Variants in CAST observed in about 807,000 individuals in gnomAD.
The protein encoded by CAST is MIR583 host.
Under a neutral mutation model 119.6 loss-of-function variants are expected in CAST, and 76 were observed. The ratio of observed to expected loss-of-function variants is 0.64; its 90% CI spans 0.53 to 0.77. The LOEUF is 0.77. Ranked by LOEUF, CAST falls within the 30% of genes least tolerant of loss-of-function variation. The probability of loss-of-function intolerance (pLI) is 0.00; values close to 1 mark genes in which losing one functional copy is unlikely to be tolerated. For missense variants in CAST, 953 were observed against 946.5 expected, an observed-to-expected ratio of 1.01 and a Z score of -0.09; for synonymous variants, 319 against 331.6, an observed-to-expected ratio of 0.96 and a Z score of 0.41.
chr5:96,174,083 G>C, the CAST span, among the ~76,000 whole-genome samples: 1 of 152,070 alleles, frequency 6.6e-6, no homozygotes, highest in Non-Finnish European at 1.5e-5. Flanking sequence ...AGTGACACAT[G>C]AGTCTTGAAC....
chr5:96,209,644 AC>A, the CAST span, among the ~76,000 whole-genome samples: 1 of 145,284 alleles, frequency 6.9e-6, no homozygotes, highest in Non-Finnish European at 1.5e-5. Flanking sequence ...ATATAACCGC[AC>A]CCCCCGCCCA....
chr5:96,602,202 A>G (rs55701703), intron 1 of CAST, among the ~76,000 whole-genome samples: 13,480 of 152,290 alleles, frequency 0.089, 714 homozygotes, highest in African/African-American at 0.16. Flanking sequence ...TGAAACAGTA[A>G]TATGACATGA....
At chr5:96,239,286 G>A in the CAST span, among the ~76,000 whole-genome samples, 4 of 152,092 alleles carry the variant, frequency 2.6e-5, no homozygotes, top group Admixed American at 6.6e-5. Context: ...GCTATATAAT[G>A]ATTGCTGTTG....
At chr5:96,603,509 C>T (rs1422789466) in intron 1 of CAST, among the ~76,000 whole-genome samples, 2 of 152,182 alleles carry the variant, frequency 1.3e-5, no homozygotes, top group Admixed American at 6.5e-5. Context: ...TCTACCTCCA[C>T]ATCTTGTCCT....
chr5:96,006,796 T>G, the CAST span, among the ~76,000 whole-genome samples: 1 of 152,244 alleles, frequency 6.6e-6, no homozygotes, highest in South Asian at 2.1e-4. Context: ...GCAGGATTAC[T>G]TATTTCCTTA....
intron 1 of CAST, among the ~76,000 whole-genome samples, chr5:96,579,767 A>T (rs1299167826): frequency 1.3e-5 from 2 of 152,246 alleles, no homozygotes; most frequent in Non-Finnish European, 2.9e-5. Context: ...GAAGAAACAA[A>T]TTTACAACAT....
chr5:96,316,648 G>A, the CAST span, among the ~76,000 whole-genome samples: 120 of 152,304 alleles, frequency 7.9e-4, 1 homozygote, highest in Admixed American at 1.3e-3. Context: ...GAGGGGAACC[G>A]TGAGAGAATG....
chr5:96,421,881 TGTTCTC>T, the CAST span: 1 of 1,499,030 alleles, frequency 6.7e-7, no homozygotes. Context: ...TTTACTCACT[TGTTCTC>T]GTTTGTGGGA....
chr5:96,146,328 C>G, the CAST span, among the ~76,000 whole-genome samples: 78 of 152,358 alleles, frequency 5.1e-4, no homozygotes, highest in African/African-American at 1.7e-3. Context: ...GGAAGAGCAT[C>G]ACATTCAGGT....
At chr5:96,617,648 C>T (rs1229053865) in intron 1 of CAST, among the ~76,000 whole-genome samples, 1 of 151,564 alleles carries the variant, frequency 6.6e-6, no homozygotes, top group Admixed American at 6.6e-5. Context: ...AAAAATTAGC[C>T]AGGCATGGTG....
the CAST span, among the ~76,000 whole-genome samples, chr5:96,411,784 A>G: frequency 6.6e-6 from 1 of 152,208 alleles, no homozygotes; most frequent in Non-Finnish European, 1.5e-5. Context: ...TCAACCTCAG[A>G]CCCAAATAGG....
chr5:96,360,695 C>T, the CAST span, among the ~76,000 whole-genome samples: 13 of 152,308 alleles, frequency 8.5e-5, no homozygotes, highest in South Asian at 2.5e-3. Flanking sequence ...CCTGTTCCTT[C>T]CTCTGGAAGC....
At chr5:96,580,079 C>T (rs1002417809) in intron 1 of CAST, among the ~76,000 whole-genome samples, 3 of 152,202 alleles carry the variant, frequency 2.0e-5, no homozygotes, top group Admixed American at 2.0e-4. Context: ...ATGATATCTT[C>T]TTCCTTCTCT....
At chr5:96,196,826 C>T in the CAST span, among the ~76,000 whole-genome samples, 1 of 152,170 alleles carries the variant, frequency 6.6e-6, no homozygotes, top group Admixed American at 6.5e-5. Flanking sequence ...ATAAAAATAA[C>T]TCAGGCTCTG....
the CAST span, among the ~76,000 whole-genome samples, chr5:96,190,248 C>T: frequency 6.6e-6 from 1 of 152,068 alleles, no homozygotes; most frequent in African/African-American, 2.4e-5. Flanking sequence ...TCTTTAGGTG[C>T]CTGCGCTGGT....
chr5:96,025,334 T>C, the CAST span, among the ~76,000 whole-genome samples: 12 of 152,132 alleles, frequency 7.9e-5, no homozygotes, highest in African/African-American at 2.7e-4. Flanking sequence ...AGGGAGAGGA[T>C]GCAAGTCCTT....
intron 1 of CAST, among the ~76,000 whole-genome samples, chr5:96,604,908 T>C (rs1212953511): frequency 6.6e-6 from 1 of 152,198 alleles, no homozygotes; most frequent in Non-Finnish European, 1.5e-5. Flanking sequence ...ATCCTTTCAG[T>C]GCTGCCTTGC....
the CAST span, among the ~76,000 whole-genome samples, chr5:96,271,273 A>G: frequency 6.6e-6 from 1 of 152,182 alleles, no homozygotes; most frequent in African/African-American, 2.4e-5. Flanking sequence ...ATGGAACCAC[A>G]TAAGGCCTCA....
chr5:96,743,738 C>A (rs147728486), intron 16 of CAST: 6 of 1,591,900 alleles, frequency 3.8e-6, no homozygotes, highest in Middle Eastern at 1.7e-4. Context: ...TCGTATCTTC[C>A]AGGACCAAGT....
Sources: gnomAD v4.1 joint callset for allele counts (sites outside exome capture counted in the v4.1 genomes callset) on GRCh38, gnomAD v4.1.1 for gene constraint, MANE v1.5 for transcripts, NCBI Gene and HGNC (gene_info 2026-07-23, HGNC 2026-07-21) for gene names.